The following NEK1 variants were observed in gnomAD, a reference collection of about 807,000 sequenced individuals.
The protein encoded by NEK1 is serine/threonine-protein kinase Nek1.
NEK1 carries 137 observed loss-of-function variants against 182.1 expected under a neutral mutation model. The ratio of observed to expected loss-of-function variants is 0.75; its 90% CI spans 0.65 to 0.87. The LOEUF (loss-of-function observed/expected upper bound fraction) is 0.87. Among genes scored for constraint, NEK1 ranks in the 40% least tolerant of loss-of-function variants. NEK1 has a pLI of 0.00. For missense variants in NEK1, 1,391 were observed against 1,494.4 expected (o/e 0.93, Z 1.14); for synonymous variants, 513 against 492.2 (o/e 1.04, Z -0.56).
intron 19 of NEK1, among the ~76,000 whole-genome samples, chr4:169,521,210 T>C (rs1281922524): frequency 2.7e-4 from 12 of 44,844 alleles, no homozygotes; most frequent in Non-Finnish European, 5.3e-4. Context: ...AGTCTCGTGG[T>C]GCGCCGTTTC....
At chr4:169,553,001 C>G (rs1761652442) in intron 18 of NEK1, among the ~76,000 whole-genome samples, 1 of 152,132 alleles carries the variant, frequency 6.6e-6, no homozygotes, top group Admixed American at 6.5e-5. Flanking sequence ...TCTTCCCAAG[C>G]TGATCTACAG....
At chr4:169,606,706 TG>T (rs1384190881) in intron 2 of NEK1, among the ~76,000 whole-genome samples, 1 of 152,258 alleles carries the variant, frequency 6.6e-6, no homozygotes. Flanking sequence ...ATCCCATCTA[TG>T]ATCTAGGAGA....
chr4:169,443,759 C>G (rs1489700964), intron 27 of NEK1, among the ~76,000 whole-genome samples: 1 of 152,034 alleles, frequency 6.6e-6, no homozygotes, highest in Non-Finnish European at 1.5e-5. Flanking sequence ...AAAGAGAATT[C>G]TAAAAACAGA....
chr4:169,414,667 G>A (rs761291227), intron 31 of NEK1, among the ~76,000 whole-genome samples: 2 of 152,086 alleles, frequency 1.3e-5, no homozygotes, highest in East Asian at 3.9e-4. Flanking sequence ...AATTACTTAC[G>A]GTGTGTGCCA....
In NEK1 at chr4:169,542,181, G is replaced by A. The variant is rs139717477; in HGVS notation, c.1563-4270C>T. On this transcript the variant is annotated intron_variant, in intron 18 of 35. Transcript: ENST00000507142. ...GCTATCCATCCCCTAGCCCCCGACCGGCCCCAGTGTGTGATGTTCCCCTTC... is the reference window on the plus strand; with the variant it reads ...GCTATCCATCCCCTAGCCCCCGACCAGCCCCAGTGTGTGATGTTCCCCTTC... Among the ~76,000 whole-genome samples the A allele has an allele frequency of 3.5e-4, 53 of 152,062 alleles. No homozygotes were observed. In the East Asian group the frequency reaches 9.7e-3, roughly 28 times the overall value.
chr4:169,489,212 C>A (rs566518902), intron 23 of NEK1, among the ~76,000 whole-genome samples: 14 of 152,122 alleles, frequency 9.2e-5, no homozygotes, highest in African/African-American at 2.7e-4. Context: ...GAGCATTTTA[C>A]GTGGTAAATC....
At chr4:169,411,537 G>GC (rs1007680164) in intron 31 of NEK1, among the ~76,000 whole-genome samples, 13 of 152,032 alleles carry the variant, frequency 8.6e-5, no homozygotes, top group Non-Finnish European at 1.8e-4. Flanking sequence ...TGTTGGCCAG[G>GC]CTGGTCTCAA....
chr4:169,461,821 T>C (rs1317252794), intron 27 of NEK1, among the ~76,000 whole-genome samples: 1 of 152,182 alleles, frequency 6.6e-6, no homozygotes, highest in Non-Finnish European at 1.5e-5. Flanking sequence ...TTCATTTTTG[T>C]CTGTCCTCTG....
At chr4:169,510,210 A>T (rs997473048) in intron 19 of NEK1, among the ~76,000 whole-genome samples, 6 of 152,080 alleles carry the variant, frequency 3.9e-5, no homozygotes, top group Admixed American at 6.6e-5. Flanking sequence ...AGGCTTTAAC[A>T]TATGCTGCCA....
At chr4:169,398,688 C>CT (rs1731130151) in intron 35 of NEK1, among the ~76,000 whole-genome samples, 1 of 151,924 alleles carries the variant, frequency 6.6e-6, no homozygotes, top group Non-Finnish European at 1.5e-5. Context: ...CTTCCCCAAA[C>CT]TTTTTTTTAA....
intron 16 of NEK1, among the ~76,000 whole-genome samples, chr4:169,556,923 T>C (rs1423044732): frequency 6.6e-6 from 1 of 152,124 alleles, no homozygotes; most frequent in East Asian, 1.9e-4. Context: ...GGAAGTATGA[T>C]GACAAATACA....
chr4:169,461,252 C>T (rs1743917297), intron 27 of NEK1, among the ~76,000 whole-genome samples: 1 of 152,084 alleles, frequency 6.6e-6, no homozygotes, highest in Non-Finnish European at 1.5e-5. Context: ...TAGCATACTG[C>T]CTGGAATTTC....
intron 23 of NEK1, 67 bp downstream of exon 23, chr4:169,506,970 G>T: frequency 3.0e-6 from 3 of 996,206 alleles, no homozygotes; most frequent in Non-Finnish European, 4.4e-6. Context: ...TAATACTGAT[G>T]TACTACCCAG....
chr4:169,477,620 C>G, intron 24 of NEK1, 123 bp from the exon 25 acceptor site: 1 of 677,602 alleles, frequency 1.5e-6, no homozygotes, highest in Non-Finnish European at 2.4e-6. Context: ...TTTTTTATTC[C>G]TATAAAATGT....
chr4:169,408,597 T>C (rs1360660909), intron 31 of NEK1, among the ~76,000 whole-genome samples: 1 of 152,188 alleles, frequency 6.6e-6, no homozygotes, highest in Non-Finnish European at 1.5e-5. Flanking sequence ...GTACCCAACG[T>C]GCAGTCTTTT....
chr4:169,429,550 T>C (rs974315029), intron 29 of NEK1, among the ~76,000 whole-genome samples: 4 of 152,002 alleles, frequency 2.6e-5, no homozygotes, highest in African/African-American at 9.7e-5. Context: ...TGTTATTTTA[T>C]GGAAAAACAA....
intron 11 of NEK1, among the ~76,000 whole-genome samples, chr4:169,580,521 A>G (rs901582549): frequency 4.0e-5 from 6 of 150,202 alleles, no homozygotes; most frequent in African/African-American, 9.8e-5. Flanking sequence ...AAAAAAGATA[A>G]TATTTTATAT....
chr4:169,397,461 T>C (rs1182876739), intron 35 of NEK1, among the ~76,000 whole-genome samples: 1 of 150,954 alleles, frequency 6.6e-6, no homozygotes, highest in East Asian at 1.9e-4. Context: ...TAGTAGCAAG[T>C]TACAATATTT....
At chr4:169,504,502 G>C (rs1752910123) in intron 23 of NEK1, among the ~76,000 whole-genome samples, 1 of 152,134 alleles carries the variant, frequency 6.6e-6, no homozygotes, top group South Asian at 2.1e-4. Context: ...ACAGATGAGT[G>C]GATAAAGAAA....
Sources: gnomAD v4.1 joint callset for allele counts (sites outside exome capture counted in the v4.1 genomes callset) on GRCh38, gnomAD v4.1.1 for gene constraint, MANE v1.5 for transcripts, NCBI Gene and HGNC (gene_info 2026-07-23, HGNC 2026-07-21) for gene names.